The following SPIDR variants were observed in gnomAD, a reference collection of about 807,000 sequenced individuals.
The protein encoded by SPIDR is scaffold protein involved in DNA repair, also known as DNA repair-scaffolding protein.
Under a neutral mutation model 104.6 loss-of-function variants are expected in SPIDR, and 93 were observed. The ratio of observed to expected loss-of-function variants is 0.89; its 90% confidence interval spans 0.75 to 1.06. The LOEUF (loss-of-function observed/expected upper bound fraction) is 1.06. Among genes scored for constraint, SPIDR ranks in the 50% least tolerant of loss-of-function variants. The pLI is 0.00. For missense variants in SPIDR, 1,154 were observed against 1,111.2 expected (o/e 1.04, Z -0.55); for synonymous variants, 431 against 416.9 (o/e 1.03, Z -0.41).
intron 8 of SPIDR, among the ~76,000 whole-genome samples, chr8:47,536,064 A>C (rs564064595): frequency 1.4e-5 from 2 of 146,798 alleles, no homozygotes; most frequent in Non-Finnish European, 3.0e-5. Flanking sequence ...TTTGCATCAA[A>C]AAAATCAAAC....
chr8:47,654,849 T>C (rs2072425055), intron 10 of SPIDR, among the ~76,000 whole-genome samples: 1 of 152,104 alleles, frequency 6.6e-6, no homozygotes, highest in Non-Finnish European at 1.5e-5. Context: ...TAACATTAGG[T>C]ATATCTCCTA....
chr8:47,362,954 G>T (rs1178947828), intron 5 of SPIDR, among the ~76,000 whole-genome samples: 1 of 150,896 alleles, frequency 6.6e-6, no homozygotes, highest in African/African-American at 2.4e-5. Context: ...CGCCCAGCCA[G>T]TGTTCTTTTT....
In SPIDR at chr8:47,701,944, A is replaced by G; in HGVS notation, c.1918-12A>G. The G allele has an allele frequency of 3.1e-6, 5 of 1,613,958 alleles. No homozygotes were observed. The highest frequency in any genetic ancestry group is 4.2e-6 in the Non-Finnish European group (5 of 1,180,004). On this transcript the variant is annotated splice_polypyrimidine_tract_variant and intron_variant, in intron 13 of 19. Coordinates refer to ENST00000297423, the MANE Select transcript of SPIDR (RefSeq NM_001080394.4). Reference sequence around the variant, plus strand: ...CGTGTAATGCTGCCAACCTTTTCTAATTCCTTTCCAGATGAATGATCTTGG... The same window carrying G: ...CGTGTAATGCTGCCAACCTTTTCTAGTTCCTTTCCAGATGAATGATCTTGG...
chr8:47,542,328 G>A (rs779455436), intron 8 of SPIDR, among the ~76,000 whole-genome samples: 1 of 152,102 alleles, frequency 6.6e-6, no homozygotes, highest in African/African-American at 2.4e-5. Context: ...GGGTTGTGGT[G>A]AATGTAACCA....
At chr8:47,275,227 C>G (rs1484550590) in intron 1 of SPIDR, among the ~76,000 whole-genome samples, 13 of 151,558 alleles carry the variant, frequency 8.6e-5, no homozygotes, top group Admixed American at 5.9e-4. Context: ...CCACTGCACT[C>G]CAGCCTGGGG....
At chr8:47,548,469 G>A (rs527586568) in intron 8 of SPIDR, among the ~76,000 whole-genome samples, 4 of 152,300 alleles carry the variant, frequency 2.6e-5, no homozygotes, top group Admixed American at 6.5e-5. Context: ...CCAACATGGT[G>A]AAACCCTGTC....
Position 47,674,341 on chromosome 8 carries a change from G to C in SPIDR, c.1685+400G>C, listed in dbSNP as rs2076153595. 2.0e-5 allele frequency among the ~76,000 whole-genome samples: 3 copies of C among 152,246 alleles called. 1 individual carries two copies. In the South Asian group the frequency reaches 6.2e-4, roughly 32 times the overall value. ...TTAAGCAAAATTCTTAAGTTGTCATGTCTTTGCACTTTCCAAAGTAAGCAA... is the reference window on the plus strand; with the variant it reads ...TTAAGCAAAATTCTTAAGTTGTCATCTCTTTGCACTTTCCAAAGTAAGCAA... On this transcript the variant is annotated intron_variant, in intron 11 of 19. Coordinates refer to ENST00000297423, the MANE Select transcript of SPIDR (RefSeq NM_001080394.4).
At chr8:47,427,370 A>G (rs1341098501) in intron 7 of SPIDR, among the ~76,000 whole-genome samples, 14 of 151,736 alleles carry the variant, frequency 9.2e-5, no homozygotes, top group African/African-American at 2.9e-4. Context: ...TATTGTTTTT[A>G]CCATTATAGG....
chr8:47,262,246 C>A (rs2032624071), intron 1 of SPIDR, among the ~76,000 whole-genome samples: 1 of 152,184 alleles, frequency 6.6e-6, no homozygotes, highest in African/African-American at 2.4e-5. Context: ...AACAGTTTCT[C>A]TTGACTTAGA....
chr8:47,485,961 A>G (rs2077546996), intron 8 of SPIDR, among the ~76,000 whole-genome samples: 1 of 152,218 alleles, frequency 6.6e-6, no homozygotes, highest in Admixed American at 6.5e-5. Context: ...CTCTAAAGGA[A>G]TGCAGCTCCT....
intron 1 of SPIDR, among the ~76,000 whole-genome samples, chr8:47,267,969 C>T (rs1354405740): frequency 6.6e-6 from 1 of 152,104 alleles, no homozygotes; most frequent in Non-Finnish European, 1.5e-5. Context: ...AGTTTTAGCT[C>T]TTACATTTAG....
chr8:47,634,644 A>G (rs2067605786), intron 10 of SPIDR, among the ~76,000 whole-genome samples: 1 of 152,184 alleles, frequency 6.6e-6, no homozygotes, highest in South Asian at 2.1e-4. Context: ...CCCAAGAGCC[A>G]GAGGACACCC....
intron 8 of SPIDR, among the ~76,000 whole-genome samples, chr8:47,567,470 C>T (rs1191605884): frequency 3.3e-5 from 5 of 152,166 alleles, no homozygotes; most frequent in South Asian, 2.1e-4. Flanking sequence ...CCACCTGCCT[C>T]GGCCTCCCAA....
intron 7 of SPIDR, among the ~76,000 whole-genome samples, chr8:47,435,518 A>G (rs2068132775): frequency 6.6e-6 from 1 of 152,204 alleles, no homozygotes; most frequent in African/African-American, 2.4e-5. Flanking sequence ...ATGGATAGAA[A>G]TTACTAGATC....
Position 47,462,838 on chromosome 8 carries a change from G to A in SPIDR, c.1097+22296G>A, listed in dbSNP as rs1013246638. Among the ~76,000 whole-genome samples, 11 of 152,092 alleles carry A rather than the reference G, an allele frequency of 7.2e-5. No homozygotes were observed. In the South Asian group the frequency reaches 1.7e-3, roughly 23 times the overall value. On this transcript the variant is annotated intron_variant, in intron 8 of 19. Transcript: ENST00000297423. ...ACCAAACTTTAGCTAGATTGACCAC[G>A]AAAAAACTGGTCAAATTACTAGAAT...
chr8:47,366,171 G>C (rs1554634351), intron 5 of SPIDR, among the ~76,000 whole-genome samples: 1 of 152,158 alleles, frequency 6.6e-6, no homozygotes, highest in African/African-American at 2.4e-5. Flanking sequence ...CCCTGCTTGG[G>C]TGTGTCTGCC....
At chr8:47,414,904 G>A (rs540067640) in intron 7 of SPIDR, among the ~76,000 whole-genome samples, 8 of 151,948 alleles carry the variant, frequency 5.3e-5, no homozygotes, top group African/African-American at 1.9e-4. Flanking sequence ...GTTTTGTTTT[G>A]TTTTGTTTTT....
chr8:47,484,994 CTGGGTACAGGACAG>C (rs2077356018), intron 8 of SPIDR, among the ~76,000 whole-genome samples: 1 of 152,114 alleles, frequency 6.6e-6, no homozygotes, highest in African/African-American at 2.4e-5. Context: ...TTGTCGGACA[CTGGGTACAGGACAG>C]TGGGTGCAGC....
intron 8 of SPIDR, among the ~76,000 whole-genome samples, chr8:47,485,151 A>T (rs1284040442): frequency 1.3e-5 from 2 of 152,200 alleles, no homozygotes; most frequent in African/African-American, 4.8e-5. Flanking sequence ...TCCCACCCTA[A>T]CACAGTGGTT....
Sources: allele counts gnomAD v4.1 joint callset (sites outside exome capture counted in the v4.1 genomes callset), GRCh38; gene constraint gnomAD v4.1.1; transcripts MANE v1.5; gene names NCBI Gene and HGNC (gene_info 2026-07-23, HGNC 2026-07-21).